The following RAB37 variants were observed in gnomAD, a reference collection of about 807,000 sequenced individuals.
The protein encoded by RAB37 is RAB37, member RAS oncogene family.
RAB37 carries 29 observed loss-of-function variants against 33.1 expected under a neutral mutation model. That is an observed-to-expected ratio of 0.88 (90% confidence interval 0.65 to 1.20). The LOEUF (loss-of-function observed/expected upper bound fraction) is 1.20, where lower values mean the gene tolerates loss of function less well. Ranked by LOEUF, RAB37 falls within the 50% of genes most tolerant of loss-of-function variation. The pLI is 0.00. For missense variants in RAB37, 299 were observed against 301.1 expected (o/e 0.99, Z 0.05); for synonymous variants, 128 against 119.5 (o/e 1.07, Z -0.47).
upstream of RAB37, among the ~76,000 whole-genome samples, chr17:74,734,184 C>G (rs1053278805): frequency 6.6e-6 from 1 of 152,188 alleles, no homozygotes; most frequent in African/African-American, 2.4e-5. Flanking sequence ...TCATTCCTTC[C>G]TCTTCCATGG....
intron 1 of RAB37, among the ~76,000 whole-genome samples, chr17:74,681,306 A>T (rs749379049): frequency 6.6e-6 from 1 of 152,318 alleles, no homozygotes; most frequent in Non-Finnish European, 1.5e-5. Flanking sequence ...CTGAGGGGTT[A>T]TAAAGCCCAA....
At chr17:74,692,057 G>A (rs992335141) in intron 1 of RAB37, among the ~76,000 whole-genome samples, 10 of 151,788 alleles carry the variant, frequency 6.6e-5, no homozygotes, top group African/African-American at 1.9e-4. Context: ...TAGTAGAGAC[G>A]GGGTTTCACC....
chr17:74,745,447 C>A lies in RAB37; in HGVS notation c.*36C>A. 1 of 1,529,554 alleles carries A rather than the reference C, an allele frequency of 6.5e-7. No homozygotes were observed. 94.7% of individuals were successfully genotyped at this position (1,529,554 alleles called of 1,614,324 possible). A position where few individuals can be genotyped will look rare whatever the true frequency, so the allele number is the denominator to read the frequency against. On this transcript the variant is annotated 3_prime_UTR_variant, in exon 9 of 9. Transcript: ENST00000392613. The surrounding 1 kb of genome is among the most constrained non-coding windows in gnomAD (Gnocchi z 4.5). ...GCAGAGAGGAGGCTCTGGAGGCACA[C>A]AGGATGCAGCCTTCCCCCTCCCAGG...
chr17:74,745,229 G>A lies in RAB37; in HGVS notation c.567-77G>A. On this transcript the variant is annotated intron_variant, in intron 8 of 8. Transcript: ENST00000392613. This position sits in a 1 kb window ranked among gnomAD's most constrained non-coding sequence, Gnocchi z 4.5. Reference sequence around the variant, plus strand: ...TTTGCTCTGGGAGCACTGGGCCACTGGGAGAGGGGAGGGGGCGGCTCAGCT... The same window carrying A: ...TTTGCTCTGGGAGCACTGGGCCACTAGGAGAGGGGAGGGGGCGGCTCAGCT... 1.3e-6 allele frequency: 2 copies of A among 1,541,964 alleles called. No individual in the cohort carries two copies. The highest frequency in any genetic ancestry group is 1.7e-5 in the Admixed American group (1 of 59,800).
intron 1 of RAB37, among the ~76,000 whole-genome samples, chr17:74,709,938 A>G (rs1212213134): frequency 6.6e-6 from 1 of 152,028 alleles, no homozygotes; most frequent in Admixed American, 6.6e-5. Flanking sequence ...CAAAACATGA[A>G]TTCCCAATAT....
upstream of RAB37, chr17:74,736,972 G>A (rs745384137): frequency 3.8e-6 from 6 of 1,562,076 alleles, no homozygotes; most frequent in Non-Finnish European, 5.2e-6. Flanking sequence ...TCCCCCAGGG[G>A]CAAGCAAGCG....
At chr17:74,719,051 G>A (rs2034205209) in intron 1 of RAB37, among the ~76,000 whole-genome samples, 2 of 152,168 alleles carry the variant, frequency 1.3e-5, no homozygotes, top group African/African-American at 4.8e-5. Flanking sequence ...GTGTTAATGT[G>A]AACCTAGAAA....
chr17:74,710,922 C>A (rs2033912197), intron 1 of RAB37, among the ~76,000 whole-genome samples: 1 of 151,786 alleles, frequency 6.6e-6, no homozygotes, highest in Non-Finnish European at 1.5e-5. Context: ...TGCTTTTAAT[C>A]CCAGCAACTC....
chr17:74,704,278 C>T (rs550100360), intron 1 of RAB37: 200 of 588,400 alleles, frequency 3.4e-4, no homozygotes, highest in South Asian at 3.1e-3. Flanking sequence ...TTAATCCCGT[C>T]GTGGAGGGAG....
At chr17:74,726,670 G>T (rs2034311306) in intron 1 of RAB37, among the ~76,000 whole-genome samples, 1 of 152,216 alleles carries the variant, frequency 6.6e-6, no homozygotes, top group East Asian at 1.9e-4. Context: ...GCACAGTCAT[G>T]GGACATCCAA....
rs760647591 is a variant in RAB37 at position 74,743,160 on chromosome 17, G to A, written c.278G>A (p.Arg93Gln). Residue 93 changes from arginine (R) to glutamine (Q), a missense_variant, in exon 4 of 9, where the codon CGA becomes CAA. Arg to Gln is a conservative substitution (Grantham distance 43). Coordinates refer to ENST00000392613, the MANE Select transcript of RAB37 (RefSeq NM_001006638.3). Reference sequence around the variant, plus strand: ...GACACCGCTGGGCAGGAACGGTTCCGAAGCGTCACCCATGCTTATTACAGA... The same window carrying A: ...GACACCGCTGGGCAGGAACGGTTCCAAAGCGTCACCCATGCTTATTACAGA... Reference protein sequence around the residue: ...IWDTAGQERFRSVTHAYYRDA... With the variant: ...IWDTAGQERFQSVTHAYYRDA... 2.5e-5 allele frequency: 41 copies of A among 1,613,530 alleles called. No homozygotes were observed. The highest frequency in any genetic ancestry group is 8.0e-5 in the African/African-American group (6 of 74,876).
At chr17:74,698,356 C>A in intron 1 of RAB37, 2 of 1,590,360 alleles carry the variant, frequency 1.3e-6, no homozygotes, top group South Asian at 2.2e-5. Flanking sequence ...CAGCCTCACC[C>A]AGGTCCTCTC....
intron 1 of RAB37, among the ~76,000 whole-genome samples, chr17:74,707,993 C>A (rs535719797): frequency 6.6e-6 from 1 of 151,344 alleles, no homozygotes; most frequent in Non-Finnish European, 1.5e-5. Flanking sequence ...ACTAAAAATA[C>A]AAAAATTAGC....
chr17:74,712,514 G>A (rs1357228703), intron 1 of RAB37, among the ~76,000 whole-genome samples: 7 of 152,186 alleles, frequency 4.6e-5, no homozygotes, highest in African/African-American at 1.7e-4. Context: ...TCAGGCAGTC[G>A]CCTGCTCTCC....
At chr17:74,717,808 TAAA>T (rs34747683) in intron 1 of RAB37, among the ~76,000 whole-genome samples, 3 of 92,072 alleles carry the variant, frequency 3.3e-5, no homozygotes, top group Non-Finnish European at 2.2e-5. Flanking sequence ...AAACTCCATC[TAAA>T]AAAAAAAAAA....
rs373090958 is a variant in RAB37 at position 74,743,140 on chromosome 17, C to A, written c.258C>A (p.Thr86=). ...CCATCCCTTCCCAGATCTGGGACAC[C>A]GCTGGGCAGGAACGGTTCCGAAGCG... The part of the protein sequence containing the change: ...GVRVKLQIWD[T]AGQERFRSVT... Residue 86 remains threonine (T), a synonymous_variant, in exon 4 of 9, where the codon ACC becomes ACA. Transcript: ENST00000392613. The A allele has an allele frequency of 6.2e-7, 1 of 1,613,384 alleles. No homozygotes were observed. Among genetic ancestry groups the A allele is most frequent in the South Asian group, 1.1e-5 (1 of 91,034 alleles).
At chr17:74,690,596 T>C (rs1168978332) in intron 1 of RAB37, among the ~76,000 whole-genome samples, 1 of 152,216 alleles carries the variant, frequency 6.6e-6, no homozygotes, top group Non-Finnish European at 1.5e-5. Flanking sequence ...TTTCCTTTCC[T>C]GCCTCTTGCG....
chr17:74,674,072 T>C (rs992491487), intron 1 of RAB37, among the ~76,000 whole-genome samples: 1 of 152,098 alleles, frequency 6.6e-6, no homozygotes, highest in Non-Finnish European at 1.5e-5. Flanking sequence ...CCAACATTAA[T>C]TGCTAGGATA....
chr17:74,714,396 A>AACACACAC (rs3046673), intron 1 of RAB37, among the ~76,000 whole-genome samples: 1,752 of 137,942 alleles, frequency 0.013, 39 homozygotes, highest in African/African-American at 0.037. Context: ...TGTCTCTTTA[A>AACACACAC]ACACACACAC....
Sources: allele counts gnomAD v4.1 joint callset (sites outside exome capture counted in the v4.1 genomes callset), GRCh38; gene constraint gnomAD v4.1.1; non-coding constraint Gnocchi (gnomAD v3.1); transcripts MANE v1.5; gene names NCBI Gene and HGNC (gene_info 2026-07-23, HGNC 2026-07-21).